HSF5: variants seen among roughly 807,000 people sequenced by gnomAD.
HSF5 encodes heat shock transcription factor 5.
In HSF5, 5 loss-of-function variants were observed where a neutral mutation model predicts 50.8. The ratio of observed to expected loss-of-function variants is 0.10; its 90% CI spans 0.05 to 0.21. The LOEUF is 0.21. HSF5 is among the 10% of genes least tolerant of loss of function. The pLI is 1.00. For missense variants in HSF5, 564 were observed against 762.6 expected, an observed-to-expected ratio of 0.74 and a Z score of 3.07; for synonymous variants, 307 against 307.4, an observed-to-expected ratio of 1.00 and a Z score of 0.02.
In HSF5 at chr17:58,420,523, G is replaced by A. The variant is rs1454026153; in HGVS notation, c.*1837C>T. The A allele has an allele frequency of 1.3e-5, 2 of 152,076 alleles. No individual in the cohort carries two copies. Among genetic ancestry groups the A allele is most frequent in the East Asian group, 3.9e-4 (2 of 5,192 alleles). The allele number at this position is 152,076 out of a possible 1,614,324, so 9.4% of individuals were successfully genotyped here. ...CCTGCTTGACATGTGTTCCTCAAAA[G>A]ATATTATCTCAACATCTATAAAGCT... is the stretch of plus-strand genomic sequence containing the variant. On this transcript the variant is annotated 3_prime_UTR_variant, in exon 6 of 6. Transcript: ENST00000323777.
intron 5 of HSF5, among the ~76,000 whole-genome samples, chr17:58,422,852 C>G (rs1191662428): frequency 6.6e-6 from 1 of 152,046 alleles, no homozygotes; most frequent in South Asian, 2.1e-4. Flanking sequence ...TGCACCACCA[C>G]GCACGGCTAA....
rs766204414 is a variant in HSF5, at chr17:58,463,300, G to T, written c.1024C>A (p.Pro342Thr). ...ACTGGATAGGAGGACTGCATTGAAG[G>T]ATTCTGGGAAAAGAAAAAATATAAC... ...SYAHCNYFQN[P>T]SMQSSYPVEF... The change falls in exon 4 of 6, where the codon CCT (proline) becomes ACT (threonine). Residue 342 changes from proline to threonine, a missense_variant. Coordinates refer to ENST00000323777, the MANE Select transcript of HSF5 (RefSeq NM_001080439.3). 1.9e-6 allele frequency: 3 copies of T among 1,604,654 alleles called. No individual in the cohort carries two copies. The Admixed American group carries it at 5.1e-5, about 27-fold the overall frequency.
chr17:58,446,391 C>T (rs1184150375), intron 5 of HSF5, among the ~76,000 whole-genome samples: 1 of 152,172 alleles, frequency 6.6e-6, no homozygotes, highest in Non-Finnish European at 1.5e-5. Flanking sequence ...CGCAATGCAG[C>T]ATAGAGAAAA....
intron 2 of HSF5, among the ~76,000 whole-genome samples, chr17:58,475,317 G>A (rs1974998443): frequency 6.6e-6 from 1 of 152,120 alleles, no homozygotes; most frequent in Admixed American, 6.5e-5. Flanking sequence ...TAGTTTTATC[G>A]TAACAAAGCA....
chr17:58,450,022 CAAA>C (rs71143248), intron 5 of HSF5, among the ~76,000 whole-genome samples: 1 of 76,544 alleles, frequency 1.3e-5, no homozygotes. Flanking sequence ...GACTCCGTCT[CAAA>C]AAAAAAAAAA....
chr17:58,456,351 A>C (rs528322866), intron 5 of HSF5, among the ~76,000 whole-genome samples: 115 of 152,296 alleles, frequency 7.6e-4, no homozygotes, highest in African/African-American at 2.6e-3. Context: ...TCATATATGG[A>C]AGCTAAAAAA....
chr17:58,476,761 G>A, intron 2 of HSF5: 1 of 1,598,626 alleles, frequency 6.3e-7, no homozygotes, highest in Non-Finnish European at 8.6e-7. Flanking sequence ...ATGGTTGGCG[G>A]AGTTTGTTAT....
Position 58,462,777 on chromosome 17 carries a change from C to T in HSF5, c.1542+5G>A. ...TTATAAGCATTTTTTTCTTTGCCCCCTTACCTGGTGTGTGCTGAATGGTGG... is the reference window on the plus strand; with the variant it reads ...TTATAAGCATTTTTTTCTTTGCCCCTTTACCTGGTGTGTGCTGAATGGTGG... On this transcript the variant is annotated splice_donor_5th_base_variant and intron_variant, in intron 4 of 5. Transcript: ENST00000323777. The T allele has an allele frequency of 1.3e-6, 2 of 1,579,288 alleles. No individual in the cohort carries two copies. Among genetic ancestry groups the T allele is most frequent in the Non-Finnish European group, 1.7e-6 (2 of 1,165,122 alleles).
chr17:58,425,290 C>T (rs964208527), intron 5 of HSF5, among the ~76,000 whole-genome samples: 9 of 151,434 alleles, frequency 5.9e-5, no homozygotes, highest in Admixed American at 2.0e-4. Flanking sequence ...CCCAGCTACT[C>T]GGGAGGCTGA....
chr17:58,448,318 T>A (rs1277040941), intron 5 of HSF5, among the ~76,000 whole-genome samples: 1 of 151,904 alleles, frequency 6.6e-6, no homozygotes, highest in Non-Finnish European at 1.5e-5. Context: ...GAAAACTTAT[T>A]GAAATAAACA....
chr17:58,441,640 C>T (rs897868623), intron 5 of HSF5, among the ~76,000 whole-genome samples: 1 of 152,148 alleles, frequency 6.6e-6, no homozygotes, highest in Non-Finnish European at 1.5e-5. Context: ...CCCTGAGGAC[C>T]ACTTCAGATG....
At chr17:58,477,994 T>C (rs1437467164) in intron 2 of HSF5, among the ~76,000 whole-genome samples, 1 of 151,986 alleles carries the variant, frequency 6.6e-6, no homozygotes, top group Non-Finnish European at 1.5e-5. Flanking sequence ...TCTGGTCTTT[T>C]CTGGAATGCC....
chr17:58,436,721 G>A (rs934664388), intron 5 of HSF5, among the ~76,000 whole-genome samples: 1 of 152,000 alleles, frequency 6.6e-6, no homozygotes, highest in African/African-American at 2.4e-5. Context: ...GATTGTTCTG[G>A]TTGGGAAAAA....
intron 5 of HSF5, among the ~76,000 whole-genome samples, chr17:58,444,360 T>C (rs1179951502): frequency 6.6e-6 from 1 of 152,224 alleles, no homozygotes; most frequent in African/African-American, 2.4e-5. Flanking sequence ...AGTGTGCTAC[T>C]GGCATAAATT....
intron 5 of HSF5, among the ~76,000 whole-genome samples, chr17:58,433,152 C>G (rs906521730): frequency 4.0e-4 from 61 of 152,118 alleles, no homozygotes; most frequent in African/African-American, 1.4e-3. Context: ...TAGCTGGGAC[C>G]ACAAGCACCT....
Position 58,487,819 on chromosome 17 carries a change from G to T in HSF5, c.456C>A (p.Phe152Leu). ...LEVPCRPPNRFQRLLITSASA... is the reference protein window; with the variant it reads ...LEVPCRPPNRLQRLLITSASA... ...AGGCCGAGGTGATGAGCAGCCGCTG[G>T]AAGCGGTTGGGCGGGCGGCAGGGCA... The change falls in exon 1 of 6, where the codon TTC becomes TTA. Residue 152 changes from phenylalanine to leucine, a missense_variant. Around this residue, in one of 5 missense-constraint regions of HSF5, gnomAD observed 21 missense variants for 75.9 expected, o/e 0.28. Coordinates refer to ENST00000323777, the MANE Select transcript of HSF5 (RefSeq NM_001080439.3). 1 of 1,571,932 alleles carries T rather than the reference G, an allele frequency of 6.4e-7. No homozygotes were observed.
chr17:58,461,092 TA>T (rs1230041669), intron 4 of HSF5, among the ~76,000 whole-genome samples: 3 of 151,742 alleles, frequency 2.0e-5, no homozygotes, highest in Non-Finnish European at 4.4e-5. Flanking sequence ...GACACACCTG[TA>T]ATCCTGGTTA....
intron 5 of HSF5, among the ~76,000 whole-genome samples, chr17:58,437,961 T>G (rs1449301603): frequency 6.6e-6 from 1 of 152,188 alleles, no homozygotes. Context: ...CATAAGCATT[T>G]TAGTTATCTA....
At chr17:58,474,095 C>G (rs376464007) in intron 2 of HSF5, among the ~76,000 whole-genome samples, 1 of 152,128 alleles carries the variant, frequency 6.6e-6, no homozygotes, top group Non-Finnish European at 1.5e-5. Flanking sequence ...CCACCCGCCT[C>G]GTGAGAATGA....
Sources: gnomAD v4.1 joint callset for allele counts (sites outside exome capture counted in the v4.1 genomes callset) on GRCh38, gnomAD v4.1.1 for gene constraint, gnomAD v4.1.1 regional missense constraint, MANE v1.5 for transcripts, NCBI Gene and HGNC (gene_info 2026-07-23, HGNC 2026-07-21) for gene names.